Variants in EMX2 observed in about 807,000 individuals in gnomAD.
The protein encoded by EMX2 is empty spiracles homeobox 2.
A neutral mutation model predicts 23.0 loss-of-function variants in EMX2; 6 were observed. The observed-to-expected ratio is 0.26, with a 90% CI of 0.14 to 0.52. The LOEUF is 0.52. EMX2 is among the 20% of genes least tolerant of loss of function. The pLI is 0.97. For missense variants in EMX2, 302 were observed against 341.4 expected (o/e 0.88, Z 0.91); for synonymous variants, 175 against 153.3 (o/e 1.14, Z -1.04).
At position 117,547,865 on chromosome 10, in the gene EMX2, T is replaced by C. The variant is rs560792428; in HGVS notation, c.592-200T>C. Among the ~76,000 whole-genome samples the C allele has an allele frequency of 9.2e-5, 14 of 152,080 alleles. No individual in the cohort carries two copies. In the South Asian group the frequency reaches 1.9e-3, roughly 20 times the overall value. On this transcript the variant is annotated intron_variant, in intron 2 of 2. Coordinates refer to ENST00000553456, the MANE Select transcript of EMX2 (RefSeq NM_004098.4). ...AGGAAGCCTCAGAAGGGCAGGGAGC[T>C]GGGCTTCTGTTCCACCACGCACTAG... is the stretch of plus-strand genomic sequence containing the variant.
At chr10:117,544,124 C>A (rs1204089772) in intron 1 of EMX2, among the ~76,000 whole-genome samples, 1 of 152,252 alleles carries the variant, frequency 6.6e-6, no homozygotes, top group African/African-American at 2.4e-5. Flanking sequence ...ACCCACTTTG[C>A]GCCCCTTCAG....
At position 117,543,086 on chromosome 10, in the gene EMX2, CTCCTTTCCTTTTTCCTT is replaced by C. The variant is rs1369964261; in HGVS notation, c.-170_-154del. 1.9e-6 allele frequency: 1 copy of C among 540,200 alleles called. No individual in the cohort carries two copies. The highest frequency in any genetic ancestry group is 2.9e-6 in the Non-Finnish European group (1 of 340,016). The allele number at this position is 540,200 out of a possible 1,614,324, so 33.5% of individuals were successfully genotyped here. A position where few individuals can be genotyped will look rare whatever the true frequency, so the allele number is the denominator to read the frequency against. On this transcript the variant is annotated 5_prime_UTR_variant, in exon 1 of 3. Coordinates refer to ENST00000553456, the MANE Select transcript of EMX2 (RefSeq NM_004098.4). ...CTTTGCCTCTCCCTCTCCCTCCCCC[CTCCTTTCCTTTTTCCTT>C]TCCTTTCCTTTCTTTCTTCCTTTCC... is the stretch of plus-strand genomic sequence containing the variant.
At chr10:117,545,857 G>T in intron 2 of EMX2, 41 bp downstream of exon 2, 2 of 1,612,626 alleles carry the variant, frequency 1.2e-6, no homozygotes, top group East Asian at 4.5e-5. Context: ...CTAGGCGTGC[G>T]CCCCCTCCCC....
chr10:117,543,610 G>C lies in EMX2; in HGVS notation c.343G>C (p.Asp115His), dbSNP rs765079655. Residue 115 changes from aspartate (D) to histidine (H), a missense_variant, in exon 1 of 3, where the codon GAT (aspartate) becomes CAT (histidine). Transcript: ENST00000553456. Reference protein sequence around the residue: ...PHPLFASQQRDPSTFYPWLIH... With the variant: ...PHPLFASQQRHPSTFYPWLIH... ...CCCCCTATTCGCCTCGCAGCAGCGGGATCCGTCCACCTTCTACCCCTGGCT... is the reference window on the plus strand; with the variant it reads ...CCCCCTATTCGCCTCGCAGCAGCGGCATCCGTCCACCTTCTACCCCTGGCT... 1 of 1,613,496 alleles carries C rather than the reference G, an allele frequency of 6.2e-7. No individual in the cohort carries two copies. Among genetic ancestry groups the C allele is most frequent in the South Asian group, 1.1e-5 (1 of 91,076 alleles).
At position 117,548,548 on chromosome 10, in the gene EMX2, A is replaced by AAGAG. The variant is rs34929200; in HGVS notation, c.*338_*341dup. Reference sequence around the variant, plus strand: ...GGAGGGAGAGAGAGAAAGAGAGAGAAAGAGAGAGAGAGAGAGAGAGAGAGA... The same window carrying AAGAG: ...GGAGGGAGAGAGAGAAAGAGAGAGAAAGAGAGAGAGAGAGAGAGAGAGAGAGAGA... On this transcript the variant is annotated 3_prime_UTR_variant, in exon 3 of 3. Coordinates refer to ENST00000553456, the MANE Select transcript of EMX2 (RefSeq NM_004098.4). 17 of 465,726 alleles carry AAGAG rather than the reference A, an allele frequency of 3.7e-5. No homozygotes were observed. The highest frequency in any genetic ancestry group is 9.5e-5 in the South Asian group (2 of 21,100). The allele number at this position is 465,726 out of a possible 1,614,324, so 28.8% of individuals were successfully genotyped here.
chr10:117,542,970 C>T lies in EMX2; in HGVS notation c.-298C>T. ...AAAGAAAAAAAAAGAAAAAAAATTACCCCAATCCACGCCTGCAAATTCTTC... is the reference window on the plus strand; with the variant it reads ...AAAGAAAAAAAAAGAAAAAAAATTATCCCAATCCACGCCTGCAAATTCTTC... On this transcript the variant is annotated 5_prime_UTR_variant, in exon 1 of 3. Transcript: ENST00000553456. The T allele has an allele frequency of 3.6e-6, 1 of 278,194 alleles. No individual in the cohort carries two copies. The allele number at this position is 278,194 out of a possible 1,614,324, so 17.2% of individuals were successfully genotyped here.
At position 117,543,037 on chromosome 10, in the gene EMX2, G is replaced by A; in HGVS notation, c.-231G>A. Reference sequence around the variant, plus strand: ...CCTCTCTTCAGGTTGGGCGCGTTTGGTGCAAGATTCTCGGGATCCTCGGCT... The same window carrying A: ...CCTCTCTTCAGGTTGGGCGCGTTTGATGCAAGATTCTCGGGATCCTCGGCT... On this transcript the variant is annotated 5_prime_UTR_variant, in exon 1 of 3. The change creates a new upstream start codon in the 5' untranslated region. Coordinates refer to ENST00000553456, the MANE Select transcript of EMX2 (RefSeq NM_004098.4). The A allele has an allele frequency of 3.8e-6, 2 of 532,374 alleles. No individual in the cohort carries two copies. The highest frequency in any genetic ancestry group is 6.4e-6 in the Non-Finnish European group (2 of 314,204). The allele number at this position is 532,374 out of a possible 1,614,324, so 33.0% of individuals were successfully genotyped here. A position where few individuals can be genotyped will look rare whatever the true frequency, so the allele number is the denominator to read the frequency against.
At chr10:117,543,703 G>GC in intron 1 of EMX2, 30 bp downstream of exon 1, 1 of 1,591,838 alleles carries the variant, frequency 6.3e-7, no homozygotes. Context: ...ACTGCAGCGC[G>GC]CCGCTCCCGC....
intron 2 of EMX2, among the ~76,000 whole-genome samples, chr10:117,546,697 T>C (rs1325904850): frequency 6.6e-6 from 1 of 152,246 alleles, no homozygotes; most frequent in Non-Finnish European, 1.5e-5. Context: ...GTGGTCTTTG[T>C]CCGCCTCGCT....
intron 1 of EMX2, 47 bp downstream of exon 1, chr10:117,543,720 C>T: frequency 6.2e-7 from 1 of 1,612,950 alleles, no homozygotes; most frequent in Non-Finnish European, 8.5e-7. Flanking sequence ...CCGCCGCATC[C>T]TTCACTGCCC....
rs1186276317 is a variant in EMX2, at chr10:117,543,226, G to T, written c.-42G>T. On this transcript the variant is annotated 5_prime_UTR_variant, in exon 1 of 3. Transcript: ENST00000553456. ...GCGGCGGAGGCAGCGTGCGGCGGTC[G>T]CCAGGAGCTGGGAGCCCAGGGCGCC... 4.4e-6 allele frequency: 6 copies of T among 1,364,582 alleles called. No homozygotes were observed. The highest frequency in any genetic ancestry group is 2.7e-4 in the Middle Eastern group (1 of 3,642). The allele number at this position is 1,364,582 out of a possible 1,614,324, so 84.5% of individuals were successfully genotyped here. A position where few individuals can be genotyped will look rare whatever the true frequency, so the allele number is the denominator to read the frequency against.
chr10:117,543,257 C>T lies in EMX2; in HGVS notation c.-11C>T. 5.2e-6 allele frequency: 8 copies of T among 1,539,382 alleles called. No individual in the cohort carries two copies. Among genetic ancestry groups the T allele is most frequent in the Non-Finnish European group, 6.1e-6 (7 of 1,142,036 alleles). On this transcript the variant is annotated 5_prime_UTR_variant, in exon 1 of 3. Transcript: ENST00000553456. ...AGCTGGGAGCCCAGGGCGCCCGCTCCTCGGCGCAGCATGTTCCAGCCGGCG... is the reference window on the plus strand; with the variant it reads ...AGCTGGGAGCCCAGGGCGCCCGCTCTTCGGCGCAGCATGTTCCAGCCGGCG...
In EMX2 at chr10:117,545,833, C is replaced by T. The variant is rs372251701; in HGVS notation, c.591+17C>T. On this transcript the variant is annotated intron_variant, in intron 2 of 2. Coordinates refer to ENST00000553456, the MANE Select transcript of EMX2 (RefSeq NM_004098.4). ...GAAACTCAGGTGACTGCGGCCCGGG[C>T]GCGAGGAACCCATCTAGGCGTGCGC... 6.2e-7 allele frequency: 1 copy of T among 1,613,558 alleles called. No homozygotes were observed. Among genetic ancestry groups the T allele is most frequent in the East Asian group, 2.2e-5 (1 of 44,862 alleles).
intron 2 of EMX2, 129 bp downstream of exon 2, chr10:117,545,945 C>A: frequency 7.7e-7 from 1 of 1,304,186 alleles, no homozygotes; most frequent in Non-Finnish European, 1.1e-6. Flanking sequence ...GCTGGTTCCA[C>A]GCCTGGGCTC....
intron 2 of EMX2, 59 bp from the exon 3 acceptor site, chr10:117,548,006 C>T: frequency 2.6e-6 from 4 of 1,558,480 alleles, no homozygotes; most frequent in Non-Finnish European, 3.5e-6. Flanking sequence ...AAGGATCAGG[C>T]ACTTGATAGA....
chr10:117,545,450 C>A (rs1476653693), intron 1 of EMX2, among the ~76,000 whole-genome samples, 182 bp from the exon 2 acceptor site: 2 of 152,206 alleles, frequency 1.3e-5, no homozygotes, highest in African/African-American at 4.8e-5. Flanking sequence ...GCGTTCCGGG[C>A]CGGGCAGCTG....
At position 117,545,276 on chromosome 10, in the gene EMX2, C is replaced by T. The variant is rs1589648991; in HGVS notation, c.407-356C>T. On this transcript the variant is annotated intron_variant, in intron 1 of 2. Coordinates refer to ENST00000553456, the MANE Select transcript of EMX2 (RefSeq NM_004098.4). ...GTTTCTTCGGGTTGTGGGCGCCAAT[C>T]CCCTGGCCAGGCTCTGCGGCTCCCT... 1.2e-5 allele frequency: 3 copies of T among 244,290 alleles called. No individual in the cohort carries two copies. The East Asian group carries it at 2.9e-4, about 24-fold the overall frequency. The allele number at this position is 244,290 out of a possible 1,614,324, so 15.1% of individuals were successfully genotyped here. A position where few individuals can be genotyped will look rare whatever the true frequency, so the allele number is the denominator to read the frequency against.
rs536477219 is a variant in EMX2 at position 117,549,195 on chromosome 10, T to G, written c.*963T>G. Reference sequence around the variant, plus strand: ...AACATCCTGAGGCTTAAAACCCTGATGCAAACTTCTCCTTTCAGTGGTTGG... The same window carrying G: ...AACATCCTGAGGCTTAAAACCCTGAGGCAAACTTCTCCTTTCAGTGGTTGG... On this transcript the variant is annotated 3_prime_UTR_variant, in exon 3 of 3. Transcript: ENST00000553456. The G allele has an allele frequency of 6.5e-6, 1 of 152,746 alleles. No homozygotes were observed. Among genetic ancestry groups the G allele is most frequent in the South Asian group, 2.1e-4 (1 of 4,828 alleles). The allele number at this position is 152,746 out of a possible 1,614,324, so 9.5% of individuals were successfully genotyped here.
At position 117,548,073 on chromosome 10, in the gene EMX2, A is replaced by G; in HGVS notation, c.600A>G (p.Val200=). The G allele has an allele frequency of 6.2e-7, 1 of 1,611,444 alleles. No homozygotes were observed. Among genetic ancestry groups the G allele is most frequent in the Non-Finnish European group, 8.5e-7 (1 of 1,178,760 alleles). The change falls in exon 3 of 3, where the codon GTA becomes GTG. Residue 200 remains valine (V), a synonymous_variant. Transcript: ENST00000553456. ...SLSLTETQVK[V]WFQNRRTKFK... ...CTGCCTCTCACCCGCAGGTAAAAGT[A>G]TGGTTTCAGAACCGAAGAACAAAGT...
Sources: allele counts gnomAD v4.1 joint callset (sites outside exome capture counted in the v4.1 genomes callset), GRCh38; gene constraint gnomAD v4.1.1; transcripts MANE v1.5; gene names NCBI Gene and HGNC (gene_info 2026-07-23, HGNC 2026-07-21).